The following POU6F2 variants were observed in gnomAD, a reference collection of about 807,000 sequenced individuals.
The protein encoded by POU6F2 is POU domain, class 6, transcription factor 2.
A neutral mutation model predicts 71.3 loss-of-function variants in POU6F2; 31 were observed. The ratio of observed to expected loss-of-function variants is 0.43; its 90% CI spans 0.33 to 0.59. The LOEUF (loss-of-function observed/expected upper bound fraction) is 0.59. Ranked by LOEUF, POU6F2 falls within the 20% of genes least tolerant of loss-of-function variation. The probability of loss-of-function intolerance (pLI) is 0.04; values close to 1 mark genes in which losing one functional copy is unlikely to be tolerated. For synonymous variants in POU6F2, 347 were observed against 355.7 expected, an observed-to-expected ratio of 0.98 and a Z score of 0.27; for missense variants, 783 against 856.8, an observed-to-expected ratio of 0.91 and a Z score of 1.07.
At chr7:39,281,204 T>C (rs150028700) in intron 4 of POU6F2, among the ~76,000 whole-genome samples, 1 of 152,316 alleles carries the variant, frequency 6.6e-6, no homozygotes, top group African/African-American at 2.4e-5. Context: ...TTGTGGGGTA[T>C]AGTGTGATGT....
At chr7:39,335,194 T>C (rs1489732621) in intron 4 of POU6F2, among the ~76,000 whole-genome samples, 1 of 152,178 alleles carries the variant, frequency 6.6e-6, no homozygotes. Context: ...TTCATACCTC[T>C]CACCTCCCTT....
intron 4 of POU6F2, among the ~76,000 whole-genome samples, chr7:39,244,911 G>A (rs1164384174): frequency 6.6e-6 from 1 of 152,126 alleles, no homozygotes; most frequent in Non-Finnish European, 1.5e-5. Context: ...TAATGAACCA[G>A]AAGAATTCAG....
At chr7:39,206,215 G>T (rs1292387879) in intron 3 of POU6F2, among the ~76,000 whole-genome samples, 1 of 152,142 alleles carries the variant, frequency 6.6e-6, no homozygotes, top group African/African-American at 2.4e-5. Flanking sequence ...CTCCCACAAG[G>T]CTGCAATGAA....
intron 5 of POU6F2, among the ~76,000 whole-genome samples, chr7:39,375,047 C>G (rs1330609584): frequency 6.6e-6 from 1 of 152,144 alleles, no homozygotes; most frequent in African/African-American, 2.4e-5. Flanking sequence ...CCAGGCTGAC[C>G]TTCACAGTAA....
At chr7:39,113,917 G>A (rs1791874845) in intron 2 of POU6F2, among the ~76,000 whole-genome samples, 1 of 152,136 alleles carries the variant, frequency 6.6e-6, no homozygotes, top group African/African-American at 2.4e-5. Flanking sequence ...TTATTTGGGG[G>A]AAAATTCAAG....
chr7:39,337,953 G>A (rs573004194), intron 4 of POU6F2, among the ~76,000 whole-genome samples: 30 of 152,238 alleles, frequency 2.0e-4, no homozygotes, highest in Non-Finnish European at 3.2e-4. Context: ...GTACCTACCC[G>A]TCTGCCAACA....
rs541957733 is a variant in POU6F2, at chr7:39,128,373, C to T, written c.277+42342C>T. On this transcript the variant is annotated intron_variant, in intron 2 of 9. Transcript: ENST00000518318. ...ACCAAAAAATTAATGGTGAAATCTG[C>T]CTCCCAAATGTACAGGAGCTGAATC... 3.3e-5 allele frequency among the ~76,000 whole-genome samples: 5 copies of T among 152,268 alleles called. No individual in the cohort carries two copies. In the South Asian group the frequency reaches 1.0e-3, roughly 32 times the overall value.
chr7:39,051,740 T>C (rs1320181558), intron 1 of POU6F2, among the ~76,000 whole-genome samples: 1 of 152,160 alleles, frequency 6.6e-6, no homozygotes, highest in Non-Finnish European at 1.5e-5. Flanking sequence ...TAGAGCATGT[T>C]CTCAGAAGCA....
At chr7:39,199,187 A>G (rs565116723) in intron 2 of POU6F2, among the ~76,000 whole-genome samples, 20 of 152,316 alleles carry the variant, frequency 1.3e-4, no homozygotes, top group Admixed American at 4.6e-4. Context: ...TCGCTGACAC[A>G]TGGGAGGAAG....
chr7:38,985,720 T>C (rs1319532898), intron 1 of POU6F2, among the ~76,000 whole-genome samples: 1 of 152,154 alleles, frequency 6.6e-6, no homozygotes, highest in Non-Finnish European at 1.5e-5. Flanking sequence ...CTGTATTCAT[T>C]TTCTCTGTTT....
At chr7:39,001,781 A>ATGGTGATGTAATGATGATGGTGATGG (rs1788919889) in intron 1 of POU6F2, among the ~76,000 whole-genome samples, 1 of 151,874 alleles carries the variant, frequency 6.6e-6, no homozygotes, top group Non-Finnish European at 1.5e-5. Context: ...GGTGATAGTG[A>ATGGTGATGTAATGATGATGGTGATGG]TGGTGATGTA....
intron 2 of POU6F2, among the ~76,000 whole-genome samples, chr7:39,093,172 T>A (rs1791389420): frequency 6.6e-6 from 1 of 152,072 alleles, no homozygotes; most frequent in Non-Finnish European, 1.5e-5. Flanking sequence ...TGGAACAATA[T>A]AACTAATAGT....
chr7:39,265,105 C>T (rs1205801615), intron 4 of POU6F2, among the ~76,000 whole-genome samples: 1 of 152,176 alleles, frequency 6.6e-6, no homozygotes, highest in Non-Finnish European at 1.5e-5. Context: ...AGGCAGTTCT[C>T]ACTTTGCTGT....
chr7:39,213,423 T>C (rs1051366587), intron 4 of POU6F2, among the ~76,000 whole-genome samples: 4 of 152,238 alleles, frequency 2.6e-5, no homozygotes, highest in African/African-American at 7.2e-5. Flanking sequence ...AGGTATCCTT[T>C]ACATACAAGA....
intron 4 of POU6F2, among the ~76,000 whole-genome samples, chr7:39,293,582 G>A (rs1387547168): frequency 2.0e-5 from 3 of 152,156 alleles, no homozygotes; most frequent in African/African-American, 7.2e-5. Context: ...ATAGCCGAGG[G>A]AAGCAGGCCC....
intron 6 of POU6F2, among the ~76,000 whole-genome samples, chr7:39,416,484 G>C (rs1422697995): frequency 6.6e-6 from 1 of 152,162 alleles, no homozygotes; most frequent in Non-Finnish European, 1.5e-5. Flanking sequence ...GAAGATTGCA[G>C]CTGAAGATTG....
chr7:39,427,627 AC>A (rs1279392688), intron 6 of POU6F2, among the ~76,000 whole-genome samples: 2 of 152,166 alleles, frequency 1.3e-5, no homozygotes, highest in South Asian at 2.1e-4. Context: ...GCTAGCGTTA[AC>A]AAAAATCTCT....
intron 5 of POU6F2, among the ~76,000 whole-genome samples, chr7:39,351,555 A>G (rs1022033892): frequency 6.6e-6 from 1 of 152,200 alleles, no homozygotes; most frequent in Non-Finnish European, 1.5e-5. Context: ...AGCCCATTAG[A>G]TGCCCCACTG....
intron 1 of POU6F2, among the ~76,000 whole-genome samples, chr7:39,003,058 A>G (rs1584491116): frequency 6.6e-6 from 1 of 152,338 alleles, no homozygotes; most frequent in East Asian, 1.9e-4. Flanking sequence ...AATGACATGG[A>G]AAGAATCTCA....
Sources: gnomAD v4.1 joint callset for allele counts (sites outside exome capture counted in the v4.1 genomes callset) on GRCh38, gnomAD v4.1.1 for gene constraint, MANE v1.5 for transcripts, NCBI Gene and HGNC (gene_info 2026-07-23, HGNC 2026-07-21) for gene names.